The following EFCAB6 variants were observed in gnomAD, a reference collection of about 807,000 sequenced individuals.
EFCAB6 encodes the protein EF-hand calcium-binding domain-containing protein 6.
A neutral mutation model predicts 169.8 loss-of-function variants in EFCAB6; 156 were observed. That is an observed-to-expected ratio of 0.92 (90% CI 0.81 to 1.05). The LOEUF (loss-of-function observed/expected upper bound fraction) is 1.05. Among genes scored for constraint, EFCAB6 ranks in the 50% least tolerant of loss-of-function variants. The probability of loss-of-function intolerance (pLI) is 0.00; values close to 1 mark genes in which losing one functional copy is unlikely to be tolerated. For synonymous variants in EFCAB6, 698 were observed against 676.4 expected (o/e 1.03, Z -0.50); for missense variants, 1,800 against 1,829.1 (o/e 0.98, Z 0.29).
chr22:43,644,069 C>G (rs2055987811), intron 17 of EFCAB6, among the ~76,000 whole-genome samples: 1 of 152,108 alleles, frequency 6.6e-6, no homozygotes. Flanking sequence ...GGTGATCCAC[C>G]TGCCTCGGCC....
chr22:43,765,036 A>G (rs919807049), intron 5 of EFCAB6, among the ~76,000 whole-genome samples: 1 of 152,212 alleles, frequency 6.6e-6, no homozygotes, highest in Non-Finnish European at 1.5e-5. Context: ...TATTGCATGT[A>G]AACTATTTTT....
rs985537334 is a variant in EFCAB6 at position 43,755,913 on chromosome 22, C to A, written c.441-81G>T. Reference sequence around the variant, plus strand: ...ATAGGATATGCAGAGATCAAAATTACAAGGATTTCCAAATAATCTATTTTA... The same window carrying A: ...ATAGGATATGCAGAGATCAAAATTAAAAGGATTTCCAAATAATCTATTTTA... On this transcript the variant is annotated intron_variant, in intron 5 of 31. Transcript: ENST00000262726. The A allele has an allele frequency of 4.8e-6, 6 of 1,241,536 alleles. No homozygotes were observed. The Admixed American group carries it at 1.2e-4, about 25-fold the overall frequency. The allele number at this position is 1,241,536 out of a possible 1,614,324, so 76.9% of individuals were successfully genotyped here.
chr22:43,745,329 G>A (rs1438816992), intron 6 of EFCAB6, among the ~76,000 whole-genome samples: 1 of 152,342 alleles, frequency 6.6e-6, no homozygotes, highest in Middle Eastern at 3.4e-3. Flanking sequence ...CTGGAGGCCT[G>A]GCACTAACGT....
chr22:43,777,677 G>A (rs2061683925), intron 3 of EFCAB6, among the ~76,000 whole-genome samples: 2 of 152,276 alleles, frequency 1.3e-5, no homozygotes, highest in South Asian at 2.1e-4. Context: ...GTACACCTCT[G>A]TCTTGAAATC....
intron 12 of EFCAB6, 127 bp downstream of exon 12, chr22:43,683,620 G>A (rs919183216): frequency 3.2e-5 from 23 of 716,154 alleles, no homozygotes; most frequent in Non-Finnish European, 4.4e-5. Context: ...AGCATGTAAC[G>A]GGGGCTCAAG....
In EFCAB6 at chr22:43,628,507, CA is replaced by C. The variant is rs1389611508; in HGVS notation, c.2233-1829del. On this transcript the variant is annotated intron_variant, in intron 19 of 31. Transcript: ENST00000262726. The surrounding 1 kb of genome is among the most constrained non-coding windows in gnomAD (Gnocchi z 4.8). Reference sequence around the variant, plus strand: ...GCGATCCCTTACAGCTGACGTCATGCATGAGGCGCCTCTGCTCAACCCCCTT... The same window carrying C: ...GCGATCCCTTACAGCTGACGTCATGCTGAGGCGCCTCTGCTCAACCCCCTT... Among the ~76,000 whole-genome samples, 1 of 152,164 alleles carries C rather than the reference CA, an allele frequency of 6.6e-6. No individual in the cohort carries two copies. Among genetic ancestry groups the C allele is most frequent in the Non-Finnish European group, 1.5e-5 (1 of 68,030 alleles).
intron 10 of EFCAB6, among the ~76,000 whole-genome samples, chr22:43,705,478 A>G (rs2058921426): frequency 6.6e-6 from 1 of 152,174 alleles, no homozygotes; most frequent in African/African-American, 2.4e-5. Flanking sequence ...AATAGGCCAC[A>G]AGACAAGTCT....
At chr22:43,661,496 C>T (rs1047974151) in intron 17 of EFCAB6, among the ~76,000 whole-genome samples, 13 of 152,236 alleles carry the variant, frequency 8.5e-5, no homozygotes, top group African/African-American at 2.7e-4. Flanking sequence ...GTCAGAGCAA[C>T]GAACGGAGAC....
At chr22:43,590,492 A>T (rs2051411462) in intron 23 of EFCAB6, among the ~76,000 whole-genome samples, 1 of 152,226 alleles carries the variant, frequency 6.6e-6, no homozygotes, top group Non-Finnish European at 1.5e-5. Context: ...TTGTACTAGA[A>T]TCGGTACTTT....
intron 10 of EFCAB6, among the ~76,000 whole-genome samples, chr22:43,699,606 A>T (rs915878960): frequency 6.6e-6 from 1 of 152,212 alleles, no homozygotes; most frequent in Non-Finnish European, 1.5e-5. Flanking sequence ...TGATAAGCAT[A>T]CAGAATGATT....
intron 5 of EFCAB6, chr22:43,759,644 C>G (rs535795961): frequency 6.6e-6 from 1 of 152,140 alleles, no homozygotes; most frequent in African/African-American, 2.4e-5. Context: ...CCTCTATGCT[C>G]GATACAATAA....
chr22:43,777,936 A>G (rs1394446090), intron 3 of EFCAB6, among the ~76,000 whole-genome samples: 3 of 152,238 alleles, frequency 2.0e-5, no homozygotes, highest in Non-Finnish European at 4.4e-5. Flanking sequence ...CAATTTGACA[A>G]AATTTTCTAT....
At chr22:43,731,602 A>G (rs2059951323) in intron 8 of EFCAB6, 97 bp downstream of exon 8, 6 of 640,330 alleles carry the variant, frequency 9.4e-6, no homozygotes, top group South Asian at 3.2e-5. Context: ...TGTATTTCCT[A>G]TATTTGAAAG....
intron 17 of EFCAB6, among the ~76,000 whole-genome samples, chr22:43,641,992 G>A (rs542500914): frequency 6.6e-6 from 1 of 152,142 alleles, no homozygotes; most frequent in Admixed American, 6.5e-5. Flanking sequence ...CCAGTCTGAA[G>A]TGCAATGGCA....
At chr22:43,786,277 C>T (rs1460351302) in intron 2 of EFCAB6, among the ~76,000 whole-genome samples, 7 of 152,058 alleles carry the variant, frequency 4.6e-5, no homozygotes, top group South Asian at 2.1e-4. Flanking sequence ...GCAGAAGAAT[C>T]GCTTGAACTT....
intron 25 of EFCAB6, among the ~76,000 whole-genome samples, chr22:43,577,767 T>C (rs1314011673): frequency 2.0e-5 from 3 of 151,932 alleles, no homozygotes; most frequent in African/African-American, 7.3e-5. Context: ...AAAGCTCAGC[T>C]GGCTGGGCTG....
intron 23 of EFCAB6, among the ~76,000 whole-genome samples, chr22:43,593,139 C>A (rs2051695641): frequency 1.3e-5 from 2 of 151,836 alleles, no homozygotes; most frequent in African/African-American, 4.8e-5. Context: ...AAAAACAGGC[C>A]ATCCTGAAGG....
At chr22:43,617,245 T>C (rs1328803750) in intron 20 of EFCAB6, among the ~76,000 whole-genome samples, 4 of 152,248 alleles carry the variant, frequency 2.6e-5, no homozygotes, top group Non-Finnish European at 4.4e-5. Context: ...TAAGTCCTAA[T>C]GATGTCTATT....
chr22:43,651,322 G>A (rs1447667021), intron 17 of EFCAB6, among the ~76,000 whole-genome samples: 1 of 152,262 alleles, frequency 6.6e-6, no homozygotes, highest in Admixed American at 6.5e-5. Flanking sequence ...CATAGCTTCA[G>A]AGGGACCAAG....
Sources: allele counts gnomAD v4.1 joint callset (sites outside exome capture counted in the v4.1 genomes callset), GRCh38; gene constraint gnomAD v4.1.1; non-coding constraint Gnocchi (gnomAD v3.1); transcripts MANE v1.5; gene names NCBI Gene and HGNC (gene_info 2026-07-23, HGNC 2026-07-21).